The following PTPRT variants were observed in gnomAD, a reference collection of about 807,000 sequenced individuals.
The protein encoded by PTPRT is protein tyrosine phosphatase receptor type T, also known as receptor-type tyrosine-protein phosphatase T.
A neutral mutation model predicts 176.8 loss-of-function variants in PTPRT; 56 were observed. The ratio of observed to expected loss-of-function variants is 0.32; its 90% CI spans 0.26 to 0.40. The LOEUF (loss-of-function observed/expected upper bound fraction) is 0.40, where lower values mean the gene tolerates loss of function less well. PTPRT is among the 10% of genes least tolerant of loss of function. PTPRT has a pLI of 1.00. For missense variants in PTPRT, 1,540 were observed against 1,908.2 expected (o/e 0.81, Z 3.60); for synonymous variants, 783 against 739.0 (o/e 1.06, Z -0.96).
intron 2 of PTPRT, among the ~76,000 whole-genome samples, chr20:42,881,724 C>CAAA (rs112191705): frequency 1.2e-3 from 43 of 36,626 alleles, no homozygotes; most frequent in African/African-American, 1.6e-3. Context: ...CACTCTGTCT[C>CAAA]AAAAAAAAAA....
intron 7 of PTPRT, among the ~76,000 whole-genome samples, chr20:42,557,500 AC>A (rs1388635006): frequency 6.6e-6 from 1 of 151,838 alleles, no homozygotes; most frequent in African/African-American, 2.4e-5. Context: ...CTGACTCATA[AC>A]CCCACCTTTC....
intron 1 of PTPRT, among the ~76,000 whole-genome samples, chr20:42,966,799 T>C (rs573109106): frequency 5.9e-5 from 9 of 152,320 alleles, no homozygotes; most frequent in African/African-American, 2.2e-4. Flanking sequence ...CAGAGAAAAG[T>C]TCGTAAAAAT....
intron 7 of PTPRT, among the ~76,000 whole-genome samples, chr20:42,638,262 T>C (rs1025102507): frequency 6.6e-6 from 1 of 152,120 alleles, no homozygotes; most frequent in Non-Finnish European, 1.5e-5. Flanking sequence ...CATCTCAGTA[T>C]AACAGATTGG....
At chr20:42,353,617 C>T (rs759704404) in intron 9 of PTPRT, among the ~76,000 whole-genome samples, 1 of 152,060 alleles carries the variant, frequency 6.6e-6, no homozygotes, top group Non-Finnish European at 1.5e-5. Context: ...CTGCACTTGC[C>T]CAAGGGTGAA....
intron 1 of PTPRT, among the ~76,000 whole-genome samples, chr20:42,974,568 C>T (rs144895827): frequency 6.6e-6 from 1 of 152,122 alleles, no homozygotes; most frequent in South Asian, 2.1e-4. Flanking sequence ...GACTCACAGT[C>T]GTGAGAACAC....
chr20:42,214,996 C>A (rs2055734998), intron 15 of PTPRT, among the ~76,000 whole-genome samples: 1 of 152,204 alleles, frequency 6.6e-6, no homozygotes, highest in African/African-American at 2.4e-5. Flanking sequence ...CTTAGCAATG[C>A]TTTGAGGTAG....
chr20:42,882,207 C>A (rs943676772), intron 2 of PTPRT, among the ~76,000 whole-genome samples: 3 of 152,210 alleles, frequency 2.0e-5, no homozygotes, highest in Non-Finnish European at 4.4e-5. Flanking sequence ...ATAAGAAGAA[C>A]AAACAGTTTT....
intron 15 of PTPRT, among the ~76,000 whole-genome samples, chr20:42,220,600 T>C (rs997787322): frequency 1.3e-5 from 2 of 151,858 alleles, no homozygotes; most frequent in Non-Finnish European, 2.9e-5. Context: ...GGAAAAAGCC[T>C]CTAAACCGCA....
intron 7 of PTPRT, among the ~76,000 whole-genome samples, chr20:42,644,042 G>T (rs2074827644): frequency 6.6e-6 from 1 of 152,128 alleles, no homozygotes; most frequent in Admixed American, 6.5e-5. Context: ...TTAAAATCCA[G>T]GCTGTGTGAT....
chr20:42,477,711 A>G (rs779054737), intron 7 of PTPRT, among the ~76,000 whole-genome samples: 2 of 152,200 alleles, frequency 1.3e-5, no homozygotes, highest in African/African-American at 2.4e-5. Flanking sequence ...TGTCCGTATG[A>G]CCTTCTTGAG....
chr20:43,043,275 T>C (rs1986705236), intron 1 of PTPRT, among the ~76,000 whole-genome samples: 1 of 151,970 alleles, frequency 6.6e-6, no homozygotes, highest in South Asian at 2.1e-4. Flanking sequence ...GAACATCCTT[T>C]GATGGGTTAA....
chr20:42,352,874 A>T (rs537364603), intron 9 of PTPRT, among the ~76,000 whole-genome samples: 2 of 152,292 alleles, frequency 1.3e-5, no homozygotes, highest in East Asian at 1.9e-4. Flanking sequence ...AAAAATTTTT[A>T]AAAAAAGAAA....
rs79589849 is a variant in PTPRT at position 42,242,864 on chromosome 20, T to A, written c.2312+5823A>T. 4.3e-4 allele frequency among the ~76,000 whole-genome samples: 66 copies of A among 152,144 alleles called. No individual in the cohort carries two copies. In the East Asian group the frequency reaches 0.013, roughly 29 times the overall value. On this transcript the variant is annotated intron_variant, in intron 14 of 30. Transcript: ENST00000373187. ...GAAGAAGCCATTGAAGGGTTTCAGATGACAGGTTTGAGAGTACGAGCTTTA... is the reference window on the plus strand; with the variant it reads ...GAAGAAGCCATTGAAGGGTTTCAGAAGACAGGTTTGAGAGTACGAGCTTTA...
chr20:42,917,769 G>T (rs1978874237), intron 1 of PTPRT, among the ~76,000 whole-genome samples: 1 of 152,160 alleles, frequency 6.6e-6, no homozygotes, highest in Non-Finnish European at 1.5e-5. Context: ...GCCTCCAGAA[G>T]TCATAACTAG....
At chr20:42,524,692 C>T (rs925324769) in intron 7 of PTPRT, among the ~76,000 whole-genome samples, 1 of 152,168 alleles carries the variant, frequency 6.6e-6, no homozygotes, top group Non-Finnish European at 1.5e-5. Context: ...AGTACTTGGT[C>T]ATCTCACTTT....
At chr20:42,485,545 A>T (rs1466925694) in intron 7 of PTPRT, among the ~76,000 whole-genome samples, 1 of 152,204 alleles carries the variant, frequency 6.6e-6, no homozygotes, top group African/African-American at 2.4e-5. Context: ...AAACAAACAA[A>T]AGTAATATCT....
intron 1 of PTPRT, among the ~76,000 whole-genome samples, chr20:43,175,247 T>G (rs1429500467): frequency 6.6e-6 from 1 of 152,230 alleles, no homozygotes; most frequent in African/African-American, 2.4e-5. Flanking sequence ...ACGGGCCCCA[T>G]GCACTCCTGT....
At chr20:42,666,173 T>G (rs913157766) in intron 7 of PTPRT, among the ~76,000 whole-genome samples, 8 of 151,952 alleles carry the variant, frequency 5.3e-5, no homozygotes, top group African/African-American at 1.7e-4. Context: ...TCATCATAAG[T>G]TGTTTATAAG....
chr20:42,770,109 C>G (rs757085555), intron 5 of PTPRT, among the ~76,000 whole-genome samples: 3 of 152,270 alleles, frequency 2.0e-5, no homozygotes, highest in Admixed American at 6.5e-5. Context: ...CTCAATTATA[C>G]CTCAATAAAG....
Sources: gnomAD v4.1 joint callset for allele counts (sites outside exome capture counted in the v4.1 genomes callset) on GRCh38, gnomAD v4.1.1 for gene constraint, MANE v1.5 for transcripts, NCBI Gene and HGNC (gene_info 2026-07-23, HGNC 2026-07-21) for gene names.